PITPNC1: variants seen among roughly 807,000 people sequenced by gnomAD.
The protein encoded by PITPNC1 is phosphatidylinositol transfer protein cytoplasmic 1, also known as cytoplasmic phosphatidylinositol transfer protein 1.
In PITPNC1, 18 loss-of-function variants were observed where a neutral mutation model predicts 44.7. That is an observed-to-expected ratio of 0.40 (90% CI 0.28 to 0.60). The LOEUF (loss-of-function observed/expected upper bound fraction) is 0.60, where lower values mean the gene tolerates loss of function less well. PITPNC1 is among the 20% of genes least tolerant of loss of function. The pLI, the probability that PITPNC1 is intolerant of heterozygous loss-of-function variation, is 0.39. For synonymous variants in PITPNC1, 141 were observed against 149.6 expected (o/e 0.94, Z 0.42); for missense variants, 290 against 418.4 (o/e 0.69, Z 2.68).
Position 67,460,747 on chromosome 17 carries a change from T to C in PITPNC1, c.49-72055T>C, listed in dbSNP as rs1487369456. ...TTTTCTTTTTCTTTCTTTCTTTTTT[T>C]TTTTTTTTTTTTTTTGAGACGGAGC... On this transcript the variant is annotated intron_variant, in intron 1 of 8. Transcript: ENST00000581322. Among the ~76,000 whole-genome samples the C allele has an allele frequency of 5.1e-3, 470 of 91,926 alleles. 4 individuals carry two copies. The highest frequency in any genetic ancestry group is 0.019 in the African/African-American group (432 of 22,384). The allele number at this position is 91,926 out of a possible 152,430, so 60.3% of individuals were successfully genotyped here.
chr17:67,634,696 G>A (rs184074701), intron 6 of PITPNC1, among the ~76,000 whole-genome samples: 14 of 152,234 alleles, frequency 9.2e-5, no homozygotes, highest in Admixed American at 3.3e-4. Flanking sequence ...GCAGGTACGG[G>A]GAGAGACTGT....
intron 4 of PITPNC1, among the ~76,000 whole-genome samples, chr17:67,561,405 G>A (rs2040904964): frequency 6.6e-6 from 1 of 151,184 alleles, no homozygotes; most frequent in South Asian, 2.1e-4. Context: ...GCAATGAGCC[G>A]ATATCTCACC....
At chr17:67,615,035 CA>C (rs1347809996) in intron 5 of PITPNC1, among the ~76,000 whole-genome samples, 2 of 152,122 alleles carry the variant, frequency 1.3e-5, no homozygotes, top group Admixed American at 6.5e-5. Flanking sequence ...CTCTGGAAGC[CA>C]AACCCTCCCC....
chr17:67,657,720 C>G (rs2042288792), intron 6 of PITPNC1, among the ~76,000 whole-genome samples: 1 of 152,128 alleles, frequency 6.6e-6, no homozygotes, highest in East Asian at 1.9e-4. Flanking sequence ...TCACAATACC[C>G]AAATATAATT....
intron 1 of PITPNC1, among the ~76,000 whole-genome samples, chr17:67,392,973 CAGAAA>C (rs1286897414): frequency 6.6e-6 from 1 of 151,806 alleles, no homozygotes; most frequent in Non-Finnish European, 1.5e-5. Context: ...ACTAAAAATA[CAGAAA>C]AGTTAGCCGG....
intron 1 of PITPNC1, among the ~76,000 whole-genome samples, chr17:67,413,092 T>C (rs2038528550): frequency 6.6e-6 from 1 of 152,240 alleles, no homozygotes; most frequent in Admixed American, 6.5e-5. Context: ...TGTTCCTCTT[T>C]TTCTGATATG....
chr17:67,389,097 C>T (rs962686162), intron 1 of PITPNC1, among the ~76,000 whole-genome samples: 11 of 152,186 alleles, frequency 7.2e-5, no homozygotes, highest in African/African-American at 2.2e-4. Context: ...TTGGAGTTGT[C>T]TTCAGGGTTC....
intron 1 of PITPNC1, among the ~76,000 whole-genome samples, chr17:67,528,577 G>A (rs2144121131): frequency 6.6e-6 from 1 of 152,300 alleles, no homozygotes; most frequent in East Asian, 1.9e-4. Context: ...CTAAGTTAGG[G>A]ATGGAGCTTT....
At position 67,636,636 on chromosome 17, in the gene PITPNC1, C is replaced by A. The variant is rs886726315; in HGVS notation, c.462+4398C>A. ...CAATAAAATCTTAGAAAAAGCATTC[C>A]CCCAGGGGCGACTCCCTCGTAACCC... On this transcript the variant is annotated intron_variant, in intron 6 of 8. Coordinates refer to ENST00000581322, the MANE Select transcript of PITPNC1 (RefSeq NM_012417.4). Among the ~76,000 whole-genome samples, 127 of 152,110 alleles carry A rather than the reference C, an allele frequency of 8.3e-4. 1 individual carries two copies. The highest frequency in any genetic ancestry group is 2.6e-4 in the Admixed American group (4 of 15,274).
At chr17:67,588,639 T>C (rs2041352965) in intron 5 of PITPNC1, among the ~76,000 whole-genome samples, 1 of 152,138 alleles carries the variant, frequency 6.6e-6, no homozygotes, top group African/African-American at 2.4e-5. Flanking sequence ...CTATCTGAGG[T>C]CTCACACATC....
At chr17:67,649,455 C>G (rs2042185789) in intron 6 of PITPNC1, among the ~76,000 whole-genome samples, 1 of 152,196 alleles carries the variant, frequency 6.6e-6, no homozygotes, top group African/African-American at 2.4e-5. Flanking sequence ...TATGAGAATT[C>G]TGGGGTGTTT....
intron 1 of PITPNC1, among the ~76,000 whole-genome samples, chr17:67,389,972 C>T (rs559080042): frequency 1.3e-5 from 2 of 151,800 alleles, no homozygotes; most frequent in Non-Finnish European, 3.0e-5. Flanking sequence ...AGCCACCGTG[C>T]CCGGCCAAAG....
rs567980013 is a variant in PITPNC1, at chr17:67,470,378, C to T, written c.49-62424C>T. ...CTAGAACTTCCCTTGTGACTTTTAGCTGTCAATTACTTCTCTCTACCCCCC... is the reference window on the plus strand; with the variant it reads ...CTAGAACTTCCCTTGTGACTTTTAGTTGTCAATTACTTCTCTCTACCCCCC... On this transcript the variant is annotated intron_variant, in intron 1 of 8. Transcript: ENST00000581322. 1.7e-4 allele frequency among the ~76,000 whole-genome samples: 26 copies of T among 152,322 alleles called. 1 individual carries two copies. The South Asian group carries it at 4.8e-3, about 28-fold the overall frequency.
chr17:67,582,977 A>C (rs1021413904), intron 5 of PITPNC1, among the ~76,000 whole-genome samples: 1 of 152,210 alleles, frequency 6.6e-6, no homozygotes, highest in Non-Finnish European at 1.5e-5. Flanking sequence ...CAAACAAAGC[A>C]GGCACCATTT....
intron 1 of PITPNC1, among the ~76,000 whole-genome samples, chr17:67,404,175 A>G (rs2038363366): frequency 6.6e-6 from 1 of 152,220 alleles, no homozygotes; most frequent in Non-Finnish European, 1.5e-5. Flanking sequence ...TATGTTCCTC[A>G]ATTATTTACT....
intron 6 of PITPNC1, among the ~76,000 whole-genome samples, chr17:67,662,815 C>A (rs2042367994): frequency 1.3e-5 from 2 of 152,008 alleles, no homozygotes; most frequent in South Asian, 4.1e-4. Context: ...GGTACATGTG[C>A]AGAATAGTTA....
intron 5 of PITPNC1, among the ~76,000 whole-genome samples, chr17:67,621,408 A>G (rs961229973): frequency 6.6e-6 from 1 of 152,048 alleles, no homozygotes; most frequent in Non-Finnish European, 1.5e-5. Flanking sequence ...GGGTTTCGCC[A>G]TGTTGGCCAG....
At chr17:67,581,771 C>T (rs778784190) in intron 5 of PITPNC1, among the ~76,000 whole-genome samples, 1 of 152,174 alleles carries the variant, frequency 6.6e-6, no homozygotes, top group African/African-American at 2.4e-5. Flanking sequence ...CGGTGGCTCA[C>T]GCCTGTAATC....
intron 5 of PITPNC1, among the ~76,000 whole-genome samples, chr17:67,620,041 C>T (rs2041810288): frequency 6.6e-6 from 1 of 151,948 alleles, no homozygotes. Flanking sequence ...GCTTCAAGCC[C>T]TTTATTTATT....
Sources: gnomAD v4.1 joint callset for allele counts (sites outside exome capture counted in the v4.1 genomes callset) on GRCh38, gnomAD v4.1.1 for gene constraint, MANE v1.5 for transcripts, NCBI Gene and HGNC (gene_info 2026-07-23, HGNC 2026-07-21) for gene names.